CFAP61: variants seen among roughly 807,000 people sequenced by gnomAD.
CFAP61 encodes the protein cilia- and flagella-associated protein 61.
A neutral mutation model predicts 135.6 loss-of-function variants in CFAP61; 107 were observed. The observed-to-expected ratio is 0.79, with a 90% CI of 0.67 to 0.93. The LOEUF is 0.93. CFAP61 is among the 40% of genes least tolerant of loss of function. The probability of loss-of-function intolerance (pLI) is 0.00; values close to 1 mark genes in which losing one functional copy is unlikely to be tolerated. For synonymous variants in CFAP61, 575 were observed against 578.5 expected, an observed-to-expected ratio of 0.99 and a Z score of 0.09; for missense variants, 1,507 against 1,556.2, an observed-to-expected ratio of 0.97 and a Z score of 0.53.
intron 19 of CFAP61, among the ~76,000 whole-genome samples, chr20:20,249,304 G>A (rs747706741): frequency 6.6e-6 from 1 of 152,134 alleles, no homozygotes; most frequent in Non-Finnish European, 1.5e-5. Flanking sequence ...GGGAGGCCAA[G>A]GTGAGAAGAT....
intron 8 of CFAP61, among the ~76,000 whole-genome samples, chr20:20,122,928 TG>T (rs1258695999): frequency 5.9e-5 from 9 of 151,826 alleles, no homozygotes; most frequent in African/African-American, 1.9e-4. Context: ...CAACATCTAC[TG>T]TTTTTTTTAA....
chr20:20,329,953 A>G (rs2057920809), intron 25 of CFAP61, among the ~76,000 whole-genome samples: 1 of 152,188 alleles, frequency 6.6e-6, no homozygotes, highest in Admixed American at 6.5e-5. Context: ...CATGTCCGTC[A>G]TCTCTTGCTG....
At chr20:20,296,245 CCT>C in intron 24 of CFAP61, among the ~76,000 whole-genome samples, 1 of 100,024 alleles carries the variant, frequency 1.0e-5, no homozygotes, top group Non-Finnish European at 2.0e-5. Context: ...TCCTTCCCTC[CCT>C]CTTCCTTCCT....
At chr20:20,333,900 G>C (rs560087928) in intron 25 of CFAP61, among the ~76,000 whole-genome samples, 1 of 152,096 alleles carries the variant, frequency 6.6e-6, no homozygotes, top group African/African-American at 2.4e-5. Context: ...TCCCTCCCTC[G>C]TCAGGGGAGG....
intron 9 of CFAP61, among the ~76,000 whole-genome samples, chr20:20,154,245 C>T (rs1297287258): frequency 1.3e-5 from 2 of 152,062 alleles, no homozygotes; most frequent in Non-Finnish European, 2.9e-5. Flanking sequence ...CCACAGCTAA[C>T]ATTATACTGA....
rs1323472745 is a variant in CFAP61 at position 20,118,258 on chromosome 20, T to C, written c.859+19444T>C. On this transcript the variant is annotated intron_variant, in intron 8 of 26. Coordinates refer to ENST00000245957, the MANE Select transcript of CFAP61 (RefSeq NM_015585.4). The stretch of plus-strand genomic sequence containing the variant: ...TCTTCATTATTTTGAGGTATGTTTC[T>C]TTCTTTCTTTCTTTCTTTCTTTCTT... Among the ~76,000 whole-genome samples, 3 of 45,176 alleles carry C rather than the reference T, an allele frequency of 6.6e-5. No homozygotes were observed. In the Admixed American group the frequency reaches 7.0e-4, roughly 11 times the overall value. 29.6% of individuals were successfully genotyped at this position (45,176 alleles called of 152,430 possible). A position where few individuals can be genotyped will look rare whatever the true frequency, so the allele number is the denominator to read the frequency against.
At chr20:20,093,288 A>C (rs750671051) in intron 7 of CFAP61, among the ~76,000 whole-genome samples, 15 of 152,206 alleles carry the variant, frequency 9.9e-5, no homozygotes, top group South Asian at 4.1e-4. Context: ...AAGGTAGATT[A>C]GTGACTGGAG....
rs574128513 is a variant in CFAP61 at position 20,298,756 on chromosome 20, G to C, written c.3422+370G>C. Reference sequence around the variant, plus strand: ...ACAGCATGAGGAAGGGTCTGATCCTGATGGGACTCCGCGATCATGGGACGG... The same window carrying C: ...ACAGCATGAGGAAGGGTCTGATCCTCATGGGACTCCGCGATCATGGGACGG... On this transcript the variant is annotated intron_variant, in intron 25 of 26. Coordinates refer to ENST00000245957, the MANE Select transcript of CFAP61 (RefSeq NM_015585.4). Among the ~76,000 whole-genome samples, 10 of 152,332 alleles carry C rather than the reference G, an allele frequency of 6.6e-5. No individual in the cohort carries two copies. The South Asian group carries it at 1.5e-3, about 22-fold the overall frequency.
chr20:20,156,170 A>T (rs1015054893), intron 9 of CFAP61, among the ~76,000 whole-genome samples: 1 of 152,192 alleles, frequency 6.6e-6, no homozygotes, highest in African/African-American at 2.4e-5. Context: ...AAATAAAAAA[A>T]TTTAAAAATT....
chr20:20,172,910 C>T (rs1401712043), intron 13 of CFAP61, among the ~76,000 whole-genome samples: 2 of 152,210 alleles, frequency 1.3e-5, no homozygotes, highest in Admixed American at 6.5e-5. Context: ...AATAGTTTTA[C>T]TCTGCTGAAC....
chr20:20,346,181 G>A lies in CFAP61; in HGVS notation c.3513+4260G>A, dbSNP rs1296514461. The stretch of plus-strand genomic sequence containing the variant: ...CTCCCAAAGTGCTGGGATTACAGGT[G>A]TGAGCCACCGCGCCCGGCCGATTGT... On this transcript the variant is annotated intron_variant, in intron 26 of 26. Coordinates refer to ENST00000245957, the MANE Select transcript of CFAP61 (RefSeq NM_015585.4). Among the ~76,000 whole-genome samples, 28 of 145,326 alleles carry A rather than the reference G, an allele frequency of 1.9e-4. No homozygotes were observed. In the South Asian group the frequency reaches 4.8e-3, roughly 25 times the overall value.
At chr20:20,135,048 C>T (rs2050815868) in intron 8 of CFAP61, among the ~76,000 whole-genome samples, 1 of 151,548 alleles carries the variant, frequency 6.6e-6, no homozygotes. Flanking sequence ...ATCTAAGGTG[C>T]CCTAAATGCT....
At chr20:20,165,550 T>G (rs2053761016) in intron 11 of CFAP61, among the ~76,000 whole-genome samples, 1 of 150,846 alleles carries the variant, frequency 6.6e-6, no homozygotes, top group Admixed American at 6.6e-5. Flanking sequence ...CAGTGCTTGC[T>G]GTTCTCCTGT....
intron 13 of CFAP61, among the ~76,000 whole-genome samples, chr20:20,181,890 G>T (rs1374655951): frequency 1.3e-5 from 2 of 152,160 alleles, no homozygotes; most frequent in South Asian, 2.1e-4. Context: ...CTCCTTCCTG[G>T]CTATAGGCCA....
chr20:20,123,825 A>G (rs879368453), intron 8 of CFAP61, among the ~76,000 whole-genome samples: 3 of 151,666 alleles, frequency 2.0e-5, no homozygotes, highest in Admixed American at 6.6e-5. Flanking sequence ...TTTTGGCAGC[A>G]TGGTCATTTT....
chr20:20,306,062 C>T (rs188998862), intron 25 of CFAP61, among the ~76,000 whole-genome samples: 273 of 152,300 alleles, frequency 1.8e-3, no homozygotes, highest in African/African-American at 6.1e-3. Flanking sequence ...CTGATGAAAA[C>T]TAGGGGTCTT....
chr20:20,339,126 A>G (rs889370330), intron 25 of CFAP61, among the ~76,000 whole-genome samples: 16 of 152,148 alleles, frequency 1.1e-4, no homozygotes, highest in African/African-American at 3.9e-4. Context: ...AGCACGTTGG[A>G]GCCATGTGCA....
chr20:20,252,491 G>T (rs1377334940), intron 20 of CFAP61, among the ~76,000 whole-genome samples: 2 of 152,204 alleles, frequency 1.3e-5, no homozygotes, highest in African/African-American at 2.4e-5. Context: ...GCCCAAGGTG[G>T]CTTTGAATGT....
intron 9 of CFAP61, among the ~76,000 whole-genome samples, chr20:20,157,019 A>G (rs2052967199): frequency 6.6e-6 from 1 of 152,228 alleles, no homozygotes; most frequent in Non-Finnish European, 1.5e-5. Flanking sequence ...TAAAACAGCC[A>G]GAGAAACTTT....
Sources: allele counts gnomAD v4.1 joint callset (sites outside exome capture counted in the v4.1 genomes callset), GRCh38; gene constraint gnomAD v4.1.1; transcripts MANE v1.5; gene names NCBI Gene and HGNC (gene_info 2026-07-23, HGNC 2026-07-21).